Variants in FRMPD4 observed in about 807,000 individuals in gnomAD.
The protein encoded by FRMPD4 is FERM and PDZ domain-containing protein 4.
Under a neutral mutation model 94.1 loss-of-function variants are expected in FRMPD4, and 22 were observed. That is an observed-to-expected ratio of 0.23 (90% CI 0.17 to 0.33). The LOEUF is 0.33. Ranked by LOEUF, FRMPD4 falls within the 10% of genes least tolerant of loss-of-function variation. FRMPD4 has a pLI of 1.00. For synonymous variants in FRMPD4, 631 were observed against 548.6 expected, an observed-to-expected ratio of 1.15 and a Z score of -2.10; for missense variants, 1,111 against 1,339.9, an observed-to-expected ratio of 0.83 and a Z score of 2.67.
At chrX:12,562,731 C>A (rs1266394830) in intron 2 of FRMPD4, among the ~76,000 whole-genome samples, 1 of 112,686 alleles carries the variant, frequency 8.9e-6, no homozygotes, top group Admixed American at 9.4e-5. Context: ...TGGCTAAAAT[C>A]TGTCATGAGG....
intron 3 of FRMPD4, among the ~76,000 whole-genome samples, chrX:12,104,876 C>G: frequency 9.0e-6 from 1 of 111,128 alleles, no homozygotes; most frequent in Non-Finnish European, 1.9e-5. Context: ...GGGACTTTAA[C>G]TCAAGTCTGT....
chrX:12,110,564 G>A, intron 3 of FRMPD4, among the ~76,000 whole-genome samples: 1 of 111,155 alleles, frequency 9.0e-6, no homozygotes, highest in Admixed American at 9.6e-5. Flanking sequence ...TGGAAGTTCT[G>A]GCCAGGGCAA....
chrX:12,121,124 A>G, intron 3 of FRMPD4, among the ~76,000 whole-genome samples: 1 of 109,311 alleles, frequency 9.1e-6, no homozygotes, highest in Non-Finnish European at 1.9e-5. Context: ...ATAATAATTT[A>G]TAATAATACT....
At position 12,720,625 on chromosome X, in the gene FRMPD4, C is replaced by T. The variant is rs1160794919; in HGVS notation, c.4056C>T (p.Asn1352=). The change falls in exon 17 of 17, where the codon AAC becomes AAT. Residue 1352 remains asparagine (N), a synonymous_variant. Transcript: ENST00000675598. ...CTGATCCCATCCTGCTACCATCAAA[C>T]ATTCACTCGGAATCAAAGGTGCCAA... ...PEADPILLPS[N]IHSESKVPIP... is the part of the protein sequence containing the mutation. 2 of 1,183,257 alleles carry T rather than the reference C, an allele frequency of 1.7e-6. No individual in the cohort carries two copies. The highest frequency in any genetic ancestry group is 2.3e-5 in the Admixed American group (1 of 42,898).
At chrX:11,988,754 A>G (rs773169731) in intron 3 of FRMPD4, among the ~76,000 whole-genome samples, 8 of 112,254 alleles carry the variant, frequency 7.1e-5, no homozygotes, top group Non-Finnish European at 1.3e-4. Context: ...ACAACTCTAT[A>G]GGAAAAAAAT....
At chrX:12,163,394 G>GT (rs145544354) in intron 1 of FRMPD4, among the ~76,000 whole-genome samples, 143 of 89,860 alleles carry the variant, frequency 1.6e-3, no homozygotes, top group African/African-American at 2.9e-3. Flanking sequence ...TATAAGCCCA[G>GT]TTTTTTTTAT....
chrX:12,561,011 C>A (rs1450772211), intron 2 of FRMPD4, among the ~76,000 whole-genome samples: 5 of 108,087 alleles, frequency 4.6e-5, no homozygotes, highest in African/African-American at 1.7e-4. Flanking sequence ...CCTCGTGATC[C>A]GCCCGCCTCG....
chrX:11,998,188 A>G (rs2054506392), intron 3 of FRMPD4, among the ~76,000 whole-genome samples: 1 of 111,717 alleles, frequency 9.0e-6, no homozygotes, highest in Non-Finnish European at 1.9e-5. Context: ...GCAAGGCCGC[A>G]ATCAATGTTA....
At chrX:11,849,917 A>G (rs186195192) in intron 1 of FRMPD4, among the ~76,000 whole-genome samples, 157 of 112,126 alleles carry the variant, frequency 1.4e-3, no homozygotes, top group Non-Finnish European at 2.7e-3. Context: ...CAAAATAAAA[A>G]TAGATAAACC....
At chrX:11,894,248 T>C (rs2053890475) in intron 3 of FRMPD4, among the ~76,000 whole-genome samples, 3 of 112,234 alleles carry the variant, frequency 2.7e-5, no homozygotes, top group East Asian at 5.6e-4. Flanking sequence ...TGGTTGAACC[T>C]TGACTGAGGG....
rs2058557515 is a variant in FRMPD4, at chrX:12,553,302, T to C, written c.158+54506T>C. On this transcript the variant is annotated intron_variant, in intron 2 of 16. Transcript: ENST00000675598. Reference sequence around the variant, plus strand: ...GTATATTCTGGAGATAGCTTGCCAATGGTATATAGAAGTAGTCCTCACTCT... The same window carrying C: ...GTATATTCTGGAGATAGCTTGCCAACGGTATATAGAAGTAGTCCTCACTCT... 2.8e-5 allele frequency among the ~76,000 whole-genome samples: 3 copies of C among 108,121 alleles called. No individual in the cohort carries two copies. The South Asian group carries it at 1.2e-3, about 45-fold the overall frequency. The allele number at this position is 108,121 out of a possible 115,157, so 93.9% of individuals were successfully genotyped here.
chrX:11,973,528 T>C lies in FRMPD4; in HGVS notation c.95+95510T>C, dbSNP rs1485829017. On this transcript the variant is annotated intron_variant, in intron 3 of 18. Transcript: ENST00000640291. ...ACCAGAATCTAAATTTTTTTATAGG[T>C]GCTTTAAATAGCTGCAAAAGTTTGA... is the stretch of plus-strand genomic sequence containing the variant. Among the ~76,000 whole-genome samples the C allele has an allele frequency of 2.7e-5, 3 of 111,869 alleles. No homozygotes were observed. In the Admixed American group the frequency reaches 2.8e-4, roughly 11 times the overall value.
chrX:11,855,013 C>T lies in FRMPD4; in HGVS notation c.-160-10073C>T, dbSNP rs182430141. Among the ~76,000 whole-genome samples, 114 of 112,004 alleles carry T rather than the reference C, an allele frequency of 1.0e-3. 1 individual carries two copies. Among genetic ancestry groups the T allele is most frequent in the Middle Eastern group, 4.7e-3 (1 of 215 alleles). ...CTGCAGCATACTTCTGCTTGGACAA[C>T]CGGGCATTTCCATATATCCTCTGAA... is the stretch of plus-strand genomic sequence containing the variant. On this transcript the variant is annotated intron_variant, in intron 1 of 18. Coordinates refer to the FRMPD4 transcript ENST00000640291.
intron 1 of FRMPD4, among the ~76,000 whole-genome samples, chrX:12,279,688 A>C (rs1271469082): frequency 9.0e-6 from 1 of 111,119 alleles, no homozygotes; most frequent in African/African-American, 3.3e-5. Context: ...TTTCTTTCAC[A>C]TGAGGTCCTG....
At chrX:12,513,065 G>A (rs1364868427) in intron 2 of FRMPD4, among the ~76,000 whole-genome samples, 1 of 111,699 alleles carries the variant, frequency 9.0e-6, no homozygotes, top group East Asian at 2.8e-4. Flanking sequence ...TTTTAATAGG[G>A]TTGTTTTTTC....
At chrX:12,230,954 T>C (rs2056982310) in intron 1 of FRMPD4, among the ~76,000 whole-genome samples, 2 of 73,477 alleles carry the variant, frequency 2.7e-5, no homozygotes, top group Admixed American at 3.8e-4. Flanking sequence ...AGTAATATAG[T>C]ATATATAGTA....
Position 12,420,302 on chromosome X carries a change from C to G in FRMPD4, c.42-78378C>G, listed in dbSNP as rs560526484. Among the ~76,000 whole-genome samples, 24 of 112,243 alleles carry G rather than the reference C, an allele frequency of 2.1e-4. No homozygotes were observed. In the South Asian group the frequency reaches 8.6e-3, roughly 40 times the overall value. Reference sequence around the variant, plus strand: ...AAAACAATCTGCTGTTCTCTAACTTCTAACACTGTCCCACCCGGGCCTCCA... The same window carrying G: ...AAAACAATCTGCTGTTCTCTAACTTGTAACACTGTCCCACCCGGGCCTCCA... On this transcript the variant is annotated intron_variant, in intron 1 of 16. Transcript: ENST00000675598.
At chrX:12,690,424 A>C (rs986291197) in intron 8 of FRMPD4, 98 bp downstream of exon 8, 30 of 717,098 alleles carry the variant, frequency 4.2e-5, no homozygotes, top group Non-Finnish European at 5.9e-5. Flanking sequence ...TAAATGTATT[A>C]ATTGTATCCC....
intron 1 of FRMPD4, among the ~76,000 whole-genome samples, chrX:12,420,607 A>ACCATCCCTGCC (rs1171624803): frequency 4.5e-5 from 5 of 111,720 alleles, no homozygotes; most frequent in Non-Finnish European, 7.5e-5. Flanking sequence ...ATCCTGGGCC[A>ACCATCCCTGCC]CCATCCCTGC....
Sources: allele counts gnomAD v4.1 joint callset (sites outside exome capture counted in the v4.1 genomes callset), GRCh38; gene constraint gnomAD v4.1.1; transcripts MANE v1.5; gene names NCBI Gene and HGNC (gene_info 2026-07-23, HGNC 2026-07-21).